ADNP: variants seen among roughly 807,000 people sequenced by gnomAD.
ADNP encodes activity-dependent neuroprotector homeobox protein.
In ADNP, 4 loss-of-function variants were observed where a neutral mutation model predicts 84.9. The ratio of observed to expected loss-of-function variants is 0.05; its 90% CI spans 0.02 to 0.11. The LOEUF is 0.11. ADNP is among the 10% of genes least tolerant of loss of function. The probability of loss-of-function intolerance (pLI) is 1.00; values close to 1 mark genes in which losing one functional copy is unlikely to be tolerated. For synonymous variants in ADNP, 554 were observed against 468.1 expected (o/e 1.18, Z -2.37); for missense variants, 1,132 against 1,326.0 (o/e 0.85, Z 2.27).
chr20:50,901,321 TAAAAA>T (rs11470054), intron 5 of ADNP, among the ~76,000 whole-genome samples: 390 of 92,754 alleles, frequency 4.2e-3, no homozygotes, highest in African/African-American at 0.013. Context: ...CTGGGGTATT[TAAAAA>T]AAAAAAAAAA....
At chr20:50,921,192 G>A (rs528049820) in intron 2 of ADNP, among the ~76,000 whole-genome samples, 18 of 152,254 alleles carry the variant, frequency 1.2e-4, no homozygotes, top group Non-Finnish European at 2.4e-4. Flanking sequence ...TTCACACCAG[G>A]GCATAACCTC....
intron 2 of ADNP, among the ~76,000 whole-genome samples, chr20:50,910,243 G>A (rs1480864169): frequency 6.6e-6 from 1 of 152,164 alleles, no homozygotes; most frequent in East Asian, 1.9e-4. Flanking sequence ...CACTATATGA[G>A]AAGAGTTAAA....
intron 2 of ADNP, among the ~76,000 whole-genome samples, chr20:50,910,705 AG>A (rs1982942827): frequency 6.6e-6 from 1 of 152,168 alleles, no homozygotes; most frequent in African/African-American, 2.4e-5. Flanking sequence ...CCCAGGCTGG[AG>A]TGCAGTGGTA....
At chr20:50,929,998 A>C (rs1984561209) in intron 1 of ADNP, among the ~76,000 whole-genome samples, 1 of 152,006 alleles carries the variant, frequency 6.6e-6, no homozygotes, top group Non-Finnish European at 1.5e-5. Flanking sequence ...CAGAAGAGGA[A>C]GAGAAGCAAT....
chr20:50,893,055 T>C lies in ADNP; in HGVS notation c.1659A>G (p.Thr553=), dbSNP rs772068325. ...KTDSTLSFDL[T]LQQGSHTNIH... ...TGTTAGTGTGACTACCCTGCTGCAA[T>C]GTCAAATCAAAACTCAAAGTAGAAT... Residue 553 remains threonine (T), a synonymous_variant, in exon 6 of 6, where the codon ACA becomes ACG. Coordinates refer to ENST00000621696, the MANE Select transcript of ADNP (RefSeq NM_001282531.3). The surrounding 1 kb of genome is among the most constrained non-coding windows in gnomAD (Gnocchi z 4.4). 37 of 1,614,114 alleles carry C rather than the reference T, an allele frequency of 2.3e-5. No individual in the cohort carries two copies. The highest frequency in any genetic ancestry group is 5.9e-6 in the Non-Finnish European group (7 of 1,180,054).
chr20:50,917,618 T>C (rs1983615006), intron 2 of ADNP, among the ~76,000 whole-genome samples: 1 of 152,192 alleles, frequency 6.6e-6, no homozygotes, highest in Non-Finnish European at 1.5e-5. Context: ...GACGCTTCCT[T>C]TTTTTCAAAG....
intron 1 of ADNP, among the ~76,000 whole-genome samples, chr20:50,929,439 G>T (rs938030763): frequency 2.6e-5 from 4 of 152,250 alleles, no homozygotes; most frequent in African/African-American, 9.6e-5. Flanking sequence ...GTTGCTGTCA[G>T]CTCACCAACT....
chr20:50,916,761 G>A (rs1983540460), intron 2 of ADNP, among the ~76,000 whole-genome samples: 2 of 152,076 alleles, frequency 1.3e-5, no homozygotes, highest in South Asian at 2.1e-4. Context: ...CAGCTGATGA[G>A]GAAAAAGATA....
Position 50,893,931 on chromosome 20 carries a change from C to A in ADNP, c.783G>T (p.Val261=). 6.2e-7 allele frequency: 1 copy of A among 1,614,066 alleles called. No homozygotes were observed. Among genetic ancestry groups the A allele is most frequent in the South Asian group, 1.1e-5 (1 of 91,076 alleles). ...GCATCAAGGGTTTGGATCGGGGAAC[C>A]ACTACATTTGTGTGCCCAATCATGG... The part of the protein sequence containing the change: ...VTAMIGHTNV[V]VPRSKPLMLI... Residue 261 remains valine, a synonymous_variant, in exon 6 of 6, where the codon GTG becomes GTT. Coordinates refer to ENST00000621696, the MANE Select transcript of ADNP (RefSeq NM_001282531.3). This position sits in a 1 kb window ranked among gnomAD's most constrained non-coding sequence, Gnocchi z 4.4.
rs749431824 is a variant in ADNP at position 50,902,125 on chromosome 20, A to G, written c.109-16T>C. 48 of 1,564,522 alleles carry G rather than the reference A, an allele frequency of 3.1e-5. No individual in the cohort carries two copies. The highest frequency in any genetic ancestry group is 4.4e-5 in the South Asian group (4 of 90,050). On this transcript the variant is annotated splice_polypyrimidine_tract_variant and intron_variant, in intron 4 of 5. Transcript: ENST00000621696. ...GTTTAAAATCCTAGAAAACAGTGAA[A>G]TAAGTTTACAAAAACATAGTGGTAT...
chr20:50,930,141 T>G (rs1007419476), intron 1 of ADNP, among the ~76,000 whole-genome samples: 1 of 152,094 alleles, frequency 6.6e-6, no homozygotes, highest in Non-Finnish European at 1.5e-5. Flanking sequence ...AAAAAAAATC[T>G]TTTTGCAGCT....
chr20:50,918,133 G>A (rs1383616240), intron 2 of ADNP, among the ~76,000 whole-genome samples: 1 of 152,082 alleles, frequency 6.6e-6, no homozygotes. Flanking sequence ...TAAAGTTTAT[G>A]TATACTTTAC....
At chr20:50,919,315 A>ATATATATATATATATATATATATC (rs1555815826) in intron 2 of ADNP, among the ~76,000 whole-genome samples, 6 of 147,520 alleles carry the variant, frequency 4.1e-5, no homozygotes, top group Non-Finnish European at 7.4e-5. Flanking sequence ...ATATATATAT[A>ATATATATATATATATATATATATC]TGTAAAAAGC....
intron 2 of ADNP, among the ~76,000 whole-genome samples, chr20:50,923,514 T>TTTA (rs1423793242): frequency 6.6e-6 from 1 of 152,064 alleles, no homozygotes; most frequent in Admixed American, 6.6e-5. Flanking sequence ...TTGGTTGCTG[T>TTTA]TTTTTATTTT....
intron 2 of ADNP, among the ~76,000 whole-genome samples, chr20:50,925,467 G>A (rs1251010309): frequency 3.3e-5 from 5 of 152,118 alleles, no homozygotes; most frequent in Non-Finnish European, 7.4e-5. Flanking sequence ...AAGACACTGA[G>A]AGGATGAAGG....
rs756349173 is a variant in ADNP at position 50,891,934 on chromosome 20, A to G, written c.2780T>C (p.Leu927Pro). The G allele has an allele frequency of 3.1e-6, 5 of 1,614,228 alleles. No individual in the cohort carries two copies. Among genetic ancestry groups the G allele is most frequent in the Non-Finnish European group, 4.2e-6 (5 of 1,180,048 alleles). Residue 927 changes from leucine to proline, a missense_variant, in exon 6 of 6, where the codon CTA becomes CCA. Leu to Pro is a moderately conservative substitution (Grantham distance 98). This residue lies in a region of ADNP where 381 missense variants were observed against 319.9 expected (regional missense o/e 1.19). Transcript: ENST00000621696. ...PEDASESEEK[L>P]DQKEDGSKYE... ...TTTTGAACCATCCTCTTTTTGGTCT[A>G]GCTTCTCCTCAGATTCTGAAGCATC... is the stretch of plus-strand genomic sequence containing the variant.
In ADNP at chr20:50,889,705, A is replaced by ATG; in HGVS notation, c.*1699_*1700insCA. The ATG allele has an allele frequency of 2.5e-6, 1 of 392,934 alleles. No homozygotes were observed. The highest frequency in any genetic ancestry group is 4.5e-6 in the Non-Finnish European group (1 of 222,912). 24.3% of individuals were successfully genotyped at this position (392,934 alleles called of 1,614,324 possible). ...GCCTCCTCATGGATTGGAGTTTCCCATCATTGTTTTAATTGCTGGAAATGT... is the reference window on the plus strand; with the variant it reads ...GCCTCCTCATGGATTGGAGTTTCCCATGTCATTGTTTTAATTGCTGGAAATGT... On this transcript the variant is annotated 3_prime_UTR_variant, in exon 6 of 6. Coordinates refer to ENST00000621696, the MANE Select transcript of ADNP (RefSeq NM_001282531.3).
chr20:50,925,323 T>A (rs66855394), intron 2 of ADNP, among the ~76,000 whole-genome samples: 39,428 of 150,964 alleles, frequency 0.26, 5,237 homozygotes, highest in Admixed American at 0.27. Context: ...ATATACCAAC[T>A]TGAGAAGCAT....
In ADNP at chr20:50,891,139, CCT is replaced by C. The variant is rs1260519722; in HGVS notation, c.*264_*265del. 5.6e-6 allele frequency: 7 copies of C among 1,243,124 alleles called. No homozygotes were observed. The highest frequency in any genetic ancestry group is 7.0e-6 in the Non-Finnish European group (7 of 993,886). 77.0% of individuals were successfully genotyped at this position (1,243,124 alleles called of 1,614,324 possible). A position where few individuals can be genotyped will look rare whatever the true frequency, so the allele number is the denominator to read the frequency against. ...ATGTTGAAAAGGCAGATAAAATAAA[CCT>C]CTGCTTTTCCTCGTGTGTATTCATG... On this transcript the variant is annotated 3_prime_UTR_variant, in exon 6 of 6. Transcript: ENST00000621696.
Sources: allele counts gnomAD v4.1 joint callset (sites outside exome capture counted in the v4.1 genomes callset), GRCh38; gene constraint gnomAD v4.1.1; regional missense constraint gnomAD v4.1.1; non-coding constraint Gnocchi (gnomAD v3.1); transcripts MANE v1.5; gene names NCBI Gene and HGNC (gene_info 2026-07-23, HGNC 2026-07-21).